The following PDK1 variants were observed in gnomAD, a reference collection of about 807,000 sequenced individuals.
PDK1 encodes pyruvate dehydrogenase kinase 1, also known as [Pyruvate dehydrogenase (acetyl-transferring)] kinase isozyme 1, mitochondrial.
In PDK1, 39 loss-of-function variants were observed where a neutral mutation model predicts 54.2. The ratio of observed to expected loss-of-function variants is 0.72; its 90% CI spans 0.56 to 0.94. The LOEUF (loss-of-function observed/expected upper bound fraction) is 0.94. Among genes scored for constraint, PDK1 ranks in the 40% least tolerant of loss-of-function variants. The pLI, the probability that PDK1 is intolerant of heterozygous loss-of-function variation, is 0.00. For missense variants in PDK1, 552 were observed against 566.0 expected, an observed-to-expected ratio of 0.98 and a Z score of 0.25; for synonymous variants, 221 against 207.1, an observed-to-expected ratio of 1.07 and a Z score of -0.58.
chr2:172,649,464 C>A, the PDK1 span, among the ~76,000 whole-genome samples: 5 of 152,134 alleles, frequency 3.3e-5, no homozygotes, highest in Admixed American at 1.3e-4. Flanking sequence ...AGCAGTGGAA[C>A]AAAGCTGGGT....
chr2:172,699,478 C>CTT, the PDK1 span, among the ~76,000 whole-genome samples: 23,094 of 129,988 alleles, frequency 0.18, 2,115 homozygotes, highest in Non-Finnish European at 0.2. Context: ...CCTCATCTGA[C>CTT]TTTTTTTTTT....
At chr2:172,672,622 T>G in the PDK1 span, among the ~76,000 whole-genome samples, 1 of 148,016 alleles carries the variant, frequency 6.8e-6, no homozygotes, top group African/African-American at 2.6e-5. Context: ...TTTTCTTTCT[T>G]TTTTTTTTTA....
chr2:172,613,642 CA>C (rs1197287600), downstream of PDK1, among the ~76,000 whole-genome samples: 3 of 152,120 alleles, frequency 2.0e-5, no homozygotes, highest in African/African-American at 7.2e-5. Flanking sequence ...TATTCCCTAT[CA>C]GATAGTCTCC....
Position 172,556,323 on chromosome 2 carries a change from C to T in PDK1, c.173C>T (p.Ser58Phe). The T allele has an allele frequency of 6.7e-7, 1 of 1,484,224 alleles. No homozygotes were observed. The highest frequency in any genetic ancestry group is 1.3e-5 in the South Asian group (1 of 74,844). 91.9% of individuals were successfully genotyped at this position (1,484,224 alleles called of 1,614,324 possible). The change falls in exon 1 of 11, where the codon TCC becomes TTC. Residue 58 changes from serine (S) to phenylalanine (F), a missense_variant. Transcript: ENST00000282077. Reference protein sequence around the residue: ...FYARFSPSPLSMKQFLDFGSV... With the variant: ...FYARFSPSPLFMKQFLDFGSV... Reference sequence around the variant, plus strand: ...GCGCGCTTCTCGCCGTCCCCGCTCTCCATGAAGCAGTTCCTGGACTTCGGT... The same window carrying T: ...GCGCGCTTCTCGCCGTCCCCGCTCTTCATGAAGCAGTTCCTGGACTTCGGT...
At chr2:172,613,918 C>T in the PDK1 span, among the ~76,000 whole-genome samples, 4 of 152,010 alleles carry the variant, frequency 2.6e-5, no homozygotes, top group Non-Finnish European at 4.4e-5. Context: ...AGCTGTGGAT[C>T]CAAGCTTCCC....
intron 8 of PDK1, among the ~76,000 whole-genome samples, chr2:172,578,627 C>A (rs1352503927): frequency 6.6e-6 from 1 of 151,414 alleles, no homozygotes. Flanking sequence ...TTGTTTTTTT[C>A]ATATCTTGTT....
the PDK1 span, among the ~76,000 whole-genome samples, chr2:172,710,139 T>A: frequency 1.7e-3 from 255 of 152,124 alleles, 6 homozygotes; most frequent in East Asian, 0.038. Context: ...TGTGAGGAAA[T>A]GGATGAAGGT....
At chr2:172,626,028 CTT>C in the PDK1 span, among the ~76,000 whole-genome samples, 1 of 152,290 alleles carries the variant, frequency 6.6e-6, no homozygotes, top group African/African-American at 2.4e-5. Context: ...CTTTCAAAAT[CTT>C]TCAAAATGCA....
chr2:172,681,725 G>T, the PDK1 span, among the ~76,000 whole-genome samples: 3 of 152,292 alleles, frequency 2.0e-5, no homozygotes, highest in South Asian at 6.2e-4. Context: ...CATGAGGAGT[G>T]TAAGTGGGCA....
At chr2:172,641,826 T>A in the PDK1 span, among the ~76,000 whole-genome samples, 6 of 152,146 alleles carry the variant, frequency 3.9e-5, no homozygotes, top group East Asian at 1.2e-3. Flanking sequence ...TATGGCTGGC[T>A]TTTGGGAAAA....
chr2:172,593,118 A>T (rs1690695624), intron 10 of PDK1, 70 bp downstream of exon 10: 5 of 806,820 alleles, frequency 6.2e-6, no homozygotes, highest in Non-Finnish European at 1.0e-5. Context: ...ACTTAACTGT[A>T]ATGAAATTTA....
At chr2:172,663,009 G>A in the PDK1 span, among the ~76,000 whole-genome samples, 1 of 152,202 alleles carries the variant, frequency 6.6e-6, no homozygotes, top group African/African-American at 2.4e-5. Flanking sequence ...AATGTAAGAA[G>A]GAAAGAGGAA....
chr2:172,576,371 A>G (rs1689586939), intron 8 of PDK1, among the ~76,000 whole-genome samples: 1 of 120,018 alleles, frequency 8.3e-6, no homozygotes, highest in Non-Finnish European at 1.6e-5. Context: ...GGTTTTATAA[A>G]TTTGAGTCTT....
chr2:172,623,387 A>C, the PDK1 span, among the ~76,000 whole-genome samples: 1 of 152,194 alleles, frequency 6.6e-6, no homozygotes, highest in East Asian at 1.9e-4. Context: ...GCAAGTGCTA[A>C]GCCAAAACCA....
At chr2:172,712,664 G>A in the PDK1 span, among the ~76,000 whole-genome samples, 1 of 152,164 alleles carries the variant, frequency 6.6e-6, no homozygotes, top group East Asian at 1.9e-4. Flanking sequence ...GAGATACCAG[G>A]AACCACAGAG....
chr2:172,589,336 AC>A (rs1690441245), intron 9 of PDK1, among the ~76,000 whole-genome samples: 1 of 152,322 alleles, frequency 6.6e-6, no homozygotes, highest in South Asian at 2.1e-4. Context: ...TAGCACAGGA[AC>A]CCAGGGCTAG....
Position 172,571,823 on chromosome 2 carries a change from CTTTTTTTTTTTTT to C in PDK1, c.945+1013_945+1025del, listed in dbSNP as rs36031428. ...CTCAGAGATTCTTAGTCTTTCTTTACTTTTTTTTTTTTTTTTTTTTTTTTTTGAGATGGAGTCT... is the reference window on the plus strand; with the variant it reads ...CTCAGAGATTCTTAGTCTTTCTTTACTTTTTTTTTTTTTGAGATGGAGTCT... On this transcript the variant is annotated intron_variant, in intron 8 of 10. Coordinates refer to ENST00000282077, the MANE Select transcript of PDK1 (RefSeq NM_002610.5). 3.3e-4 allele frequency among the ~76,000 whole-genome samples: 33 copies of C among 99,798 alleles called. No homozygotes were observed. The East Asian group carries it at 5.9e-3, about 18-fold the overall frequency. 65.5% of individuals were successfully genotyped at this position (99,798 alleles called of 152,430 possible).
the PDK1 span, among the ~76,000 whole-genome samples, chr2:172,707,578 G>A: frequency 1.3e-5 from 2 of 152,172 alleles, no homozygotes; most frequent in African/African-American, 4.8e-5. Flanking sequence ...GCAAAACCCG[G>A]GAACTCACAG....
At chr2:172,633,867 ATTT>A in the PDK1 span, among the ~76,000 whole-genome samples, 4 of 68,832 alleles carry the variant, frequency 5.8e-5, no homozygotes, top group South Asian at 8.1e-4. Context: ...TTAGTCTATG[ATTT>A]TTTTTTTTTT....
Sources: allele counts gnomAD v4.1 joint callset (sites outside exome capture counted in the v4.1 genomes callset), GRCh38; gene constraint gnomAD v4.1.1; transcripts MANE v1.5; gene names NCBI Gene and HGNC (gene_info 2026-07-23, HGNC 2026-07-21).